The following SEC22C variants were observed in gnomAD, a reference collection of about 807,000 sequenced individuals.
SEC22C encodes SEC22 homolog C, vesicle trafficking protein.
In SEC22C, 29 loss-of-function variants were observed where a neutral mutation model predicts 34.7. That is an observed-to-expected ratio of 0.84 (90% CI 0.62 to 1.14). The LOEUF (loss-of-function observed/expected upper bound fraction) is 1.14. Ranked by LOEUF, SEC22C falls within the 50% of genes most tolerant of loss-of-function variation. The pLI is 0.00. For synonymous variants in SEC22C, 117 were observed against 132.8 expected (o/e 0.88, Z 0.82); for missense variants, 337 against 369.0 (o/e 0.91, Z 0.71).
chr3:42,586,963 C>T (rs866463714), upstream of SEC22C, among the ~76,000 whole-genome samples: 15 of 152,214 alleles, frequency 9.9e-5, no homozygotes, highest in Admixed American at 2.0e-4. Flanking sequence ...GTTGCTTAAC[C>T]CAGAACCCCA....
At chr3:42,591,203 T>C in intron 1 of SEC22C, 1 of 373,744 alleles carries the variant, frequency 2.7e-6, no homozygotes, top group Non-Finnish European at 5.0e-6. Flanking sequence ...TTTCTCTCCT[T>C]TTTTTTTTTT....
At chr3:42,593,801 T>C (rs1264016223) in intron 1 of SEC22C, among the ~76,000 whole-genome samples, 2 of 152,100 alleles carry the variant, frequency 1.3e-5, no homozygotes, top group African/African-American at 4.8e-5. Context: ...TAAGGTGATA[T>C]TTGAGTAGAG....
At chr3:42,578,817 T>C (rs1481660578) in intron 1 of SEC22C, among the ~76,000 whole-genome samples, 1 of 152,204 alleles carries the variant, frequency 6.6e-6, no homozygotes, top group Non-Finnish European at 1.5e-5. Flanking sequence ...CCCACCAATA[T>C]CTTATCTGCT....
intron 3 of SEC22C, 38 bp from the exon 4 acceptor site, chr3:42,561,334 C>A: frequency 6.3e-7 from 1 of 1,588,610 alleles, no homozygotes; most frequent in Non-Finnish European, 8.6e-7. Context: ...GCATTTTCAT[C>A]AGAATGGATA....
At chr3:42,562,037 T>A (rs564000765) in intron 3 of SEC22C, among the ~76,000 whole-genome samples, 1 of 152,196 alleles carries the variant, frequency 6.6e-6, no homozygotes, top group East Asian at 1.9e-4. Context: ...AATGAATACG[T>A]TGTGGAAACT....
At chr3:42,558,622 A>T (rs1165074482) in intron 4 of SEC22C, among the ~76,000 whole-genome samples, 9 of 151,772 alleles carry the variant, frequency 5.9e-5, no homozygotes, top group Admixed American at 5.9e-4. Flanking sequence ...CCCCATCTCT[A>T]TTAAAAAAAA....
chr3:42,597,424 C>T (rs1252766980), intron 1 of SEC22C, among the ~76,000 whole-genome samples: 1 of 152,062 alleles, frequency 6.6e-6, no homozygotes, highest in African/African-American at 2.4e-5. Flanking sequence ...GGTGTGGTGG[C>T]GTGTGCCTGT....
intron 4 of SEC22C, among the ~76,000 whole-genome samples, chr3:42,558,334 A>T (rs1393291587): frequency 6.6e-6 from 1 of 151,582 alleles, no homozygotes; most frequent in African/African-American, 2.4e-5. Context: ...AAAAAATACA[A>T]AAACTTATCC....
At chr3:42,600,027 T>A (rs1334026093) in intron 1 of SEC22C, among the ~76,000 whole-genome samples, 19 of 152,198 alleles carry the variant, frequency 1.2e-4, no homozygotes, top group Non-Finnish European at 2.8e-4. Context: ...TCGCAATCAT[T>A]TATGTAACAA....
intron 1 of SEC22C, among the ~76,000 whole-genome samples, chr3:42,577,116 T>G (rs1469907052): frequency 6.6e-6 from 1 of 151,982 alleles, no homozygotes; most frequent in Non-Finnish European, 1.5e-5. Flanking sequence ...AACTAAAAAT[T>G]TATCATAGAT....
At chr3:42,562,146 TG>T (rs1345725860) in intron 3 of SEC22C, among the ~76,000 whole-genome samples, 2 of 152,236 alleles carry the variant, frequency 1.3e-5, no homozygotes, top group Non-Finnish European at 1.5e-5. Flanking sequence ...TCATACAAAC[TG>T]GCAAAGCAAA....
chr3:42,596,229 T>C (rs1441085600), intron 1 of SEC22C, among the ~76,000 whole-genome samples: 2 of 152,082 alleles, frequency 1.3e-5, no homozygotes, highest in African/African-American at 4.8e-5. Context: ...TCCATGTTGG[T>C]CAGGCTGGTC....
upstream of SEC22C, among the ~76,000 whole-genome samples, chr3:42,584,341 G>A (rs569363421): frequency 1.6e-4 from 24 of 152,192 alleles, no homozygotes; most frequent in African/African-American, 2.2e-4. Context: ...TGCAACCTGC[G>A]CCTCCCAGGC....
intron 1 of SEC22C, among the ~76,000 whole-genome samples, chr3:42,579,016 G>A (rs923537933): frequency 1.3e-5 from 2 of 152,182 alleles, no homozygotes; most frequent in African/African-American, 2.4e-5. Context: ...AGTGGCTCAT[G>A]CCTGTAATCC....
intron 1 of SEC22C, among the ~76,000 whole-genome samples, chr3:42,571,839 C>G (rs116094241): frequency 0.036 from 5,516 of 152,260 alleles, 163 homozygotes; most frequent in East Asian, 0.12. Flanking sequence ...TTCTGACCAG[C>G]CTGGCCAACA....
chr3:42,555,157 A>G (rs929121227), intron 6 of SEC22C, among the ~76,000 whole-genome samples: 6 of 152,056 alleles, frequency 3.9e-5, no homozygotes, highest in Non-Finnish European at 8.8e-5. Flanking sequence ...CATCCTGGCT[A>G]ACATGGTGAA....
chr3:42,595,189 A>G (rs1192992590), intron 1 of SEC22C: 1 of 152,242 alleles, frequency 6.6e-6, no homozygotes, highest in Admixed American at 6.5e-5. Context: ...GTTATCAGAT[A>G]GTCTTTTTGT....
intron 4 of SEC22C, among the ~76,000 whole-genome samples, chr3:42,560,114 C>CTA (rs781207835): frequency 5.2e-5 from 6 of 114,614 alleles, no homozygotes; most frequent in Non-Finnish European, 1.0e-4. Context: ...CTCTCTCTCT[C>CTA]TCTCTCTATA....
chr3:42,594,060 G>C (rs1258755892), intron 1 of SEC22C, among the ~76,000 whole-genome samples: 1 of 152,172 alleles, frequency 6.6e-6, no homozygotes, highest in Non-Finnish European at 1.5e-5. Flanking sequence ...TTACCTGAAT[G>C]AGATGGGAGC....
Sources: allele counts gnomAD v4.1 joint callset (sites outside exome capture counted in the v4.1 genomes callset), GRCh38; gene constraint gnomAD v4.1.1; transcripts MANE v1.5; gene names NCBI Gene and HGNC (gene_info 2026-07-23, HGNC 2026-07-21).